TNNT1: variants seen among roughly 807,000 people sequenced by gnomAD.
TNNT1 encodes troponin T1, slow skeletal type, also known as troponin T, slow skeletal muscle.
Under a neutral mutation model 50.6 loss-of-function variants are expected in TNNT1, and 53 were observed. The ratio of observed to expected loss-of-function variants is 1.05; its 90% CI spans 0.84 to 1.32. TNNT1 has a LOEUF of 1.32. TNNT1 is among the 40% of genes most tolerant of loss of function. The probability of loss-of-function intolerance (pLI) is 0.00; values close to 1 mark genes in which losing one functional copy is unlikely to be tolerated. For synonymous variants in TNNT1, 142 were observed against 138.0 expected (o/e 1.03, Z -0.20); for missense variants, 348 against 381.7 (o/e 0.91, Z 0.74).
intron 3 of TNNT1, 73 bp from the exon 4 acceptor site, chr19:55,146,780 G>T: frequency 7.8e-7 from 1 of 1,289,086 alleles, no homozygotes; most frequent in Non-Finnish European, 1.1e-6. Flanking sequence ...AGAGACCAGG[G>T]TTCCAGTCTC....
chr19:55,145,848 C>A (rs2085539847), intron 5 of TNNT1, among the ~76,000 whole-genome samples: 1 of 151,874 alleles, frequency 6.6e-6, no homozygotes. Flanking sequence ...GAGTGCAAAC[C>A]CCCAGACCTT....
At chr19:55,147,270 G>C in intron 1 of TNNT1, 102 bp from the exon 2 acceptor site, 1 of 1,112,084 alleles carries the variant, frequency 9.0e-7, no homozygotes, top group Non-Finnish European at 1.3e-6. Context: ...CTGGACTCCT[G>C]GGTCTGGACT....
chr19:55,141,802 A>G, intron 7 of TNNT1, 55 bp downstream of exon 7: 8 of 1,601,426 alleles, frequency 5.0e-6, no homozygotes, highest in Non-Finnish European at 6.8e-6. Flanking sequence ...TGATTGACAC[A>G]AAGGCCCCTT....
chr19:55,135,945 T>G (rs1337690709), intron 11 of TNNT1, among the ~76,000 whole-genome samples: 1 of 152,034 alleles, frequency 6.6e-6, no homozygotes, highest in Non-Finnish European at 1.5e-5. Context: ...CCCACACGGG[T>G]AGTTTGAAAG....
chr19:55,141,118 A>G, intron 8 of TNNT1, 68 bp downstream of exon 8: 3 of 1,502,044 alleles, frequency 2.0e-6, no homozygotes, highest in Non-Finnish European at 2.8e-6. Context: ...TATTATCTGC[A>G]TCTCCCAAGA....
At chr19:55,137,013 G>A in intron 11 of TNNT1, 90 bp downstream of exon 11, 1 of 810,650 alleles carries the variant, frequency 1.2e-6, no homozygotes, top group Non-Finnish European at 2.1e-6. Flanking sequence ...GAGACCCGGA[G>A]TATCTGCCCA....
At chr19:55,137,790 G>A (rs184113109) in intron 10 of TNNT1, among the ~76,000 whole-genome samples, 171 bp downstream of exon 10, 168 of 134,588 alleles carry the variant, frequency 1.2e-3, no homozygotes, top group African/African-American at 4.4e-3. Flanking sequence ...AGACCCAGGC[G>A]TCCAGACCCC....
At position 55,142,109 on chromosome 19, in the gene TNNT1, T is replaced by C. The variant is rs897608685; in HGVS notation, c.129-189A>G. ...TAAAATACCTCACTACTCATGTTTT[T>C]TTGGTTGTTGTTGGTTTTGTTTTGT... On this transcript the variant is annotated intron_variant, in intron 6 of 13. Transcript: ENST00000588981. 10 of 600,570 alleles carry C rather than the reference T, an allele frequency of 1.7e-5. No homozygotes were observed. The East Asian group carries it at 2.9e-4, about 17-fold the overall frequency. The allele number at this position is 600,570 out of a possible 1,614,324, so 37.2% of individuals were successfully genotyped here.
chr19:55,141,533 G>A (rs372325026), intron 7 of TNNT1, among the ~76,000 whole-genome samples: 155 of 151,212 alleles, frequency 1.0e-3, no homozygotes, highest in African/African-American at 2.8e-3. Context: ...TCCCAGGCTG[G>A]AGTGAAATGG....
chr19:55,147,310 C>G, intron 1 of TNNT1, 142 bp from the exon 2 acceptor site: 4 of 732,954 alleles, frequency 5.5e-6, no homozygotes. Context: ...GAGCTGGGGT[C>G]TGGACTCCTG....
intron 13 of TNNT1, chr19:55,133,663 G>C (rs569715625): frequency 8.6e-4 from 511 of 595,250 alleles, no homozygotes; most frequent in Admixed American, 1.1e-3. Context: ...GGGTGACAGA[G>C]CGAGACGCAG....
In TNNT1 at chr19:55,142,546, A is replaced by AT. The variant is rs112126041; in HGVS notation, c.129-627dup. On this transcript the variant is annotated intron_variant, in intron 6 of 13. Transcript: ENST00000588981. ...ACTTTAAAAAATATGCCTAGTAAGAATTTTTTTTTTTTTTTTGAGACAGAG... is the reference window on the plus strand; with the variant it reads ...ACTTTAAAAAATATGCCTAGTAAGAATTTTTTTTTTTTTTTTTGAGACAGAG... Among the ~76,000 whole-genome samples, 380 of 138,596 alleles carry AT rather than the reference A, an allele frequency of 2.7e-3. 1 individual carries two copies. Among genetic ancestry groups the AT allele is most frequent in the Admixed American group, 5.2e-3 (72 of 13,850 alleles). The allele number at this position is 138,596 out of a possible 152,430, so 90.9% of individuals were successfully genotyped here. A position where few individuals can be genotyped will look rare whatever the true frequency, so the allele number is the denominator to read the frequency against.
intron 6 of TNNT1, 134 bp from the exon 7 acceptor site, chr19:55,142,054 C>T (rs746895381): frequency 1.2e-6 from 1 of 818,048 alleles, no homozygotes; most frequent in Non-Finnish European, 2.1e-6. Flanking sequence ...CCAGCTGAGG[C>T]GGGCTGTCAG....
rs538620794 is a variant in TNNT1, at chr19:55,147,494, G to A, written c.-11-326C>T. On this transcript the variant is annotated intron_variant, in intron 1 of 13. Coordinates refer to ENST00000588981, the MANE Select transcript of TNNT1 (RefSeq NM_003283.6). ...CTGAGGAAGGAGGGGCTGGGGCCTG[G>A]ACTTCTGGGTCTGAGGGAGGAGGGA... is the stretch of plus-strand genomic sequence containing the variant. The A allele has an allele frequency of 1.1e-4, 56 of 504,718 alleles. 2 individuals are homozygous for A. In the South Asian group the frequency reaches 1.2e-3, roughly 11 times the overall value. 31.3% of individuals were successfully genotyped at this position (504,718 alleles called of 1,614,324 possible).
chr19:55,147,063 G>A (rs375420324), intron 2 of TNNT1, 42 bp from the exon 3 acceptor site: 17 of 1,613,104 alleles, frequency 1.1e-5, no homozygotes, highest in Non-Finnish European at 1.4e-5. Flanking sequence ...GGGAGAGTTA[G>A]ACCTGGGGTG....
Position 55,141,280 on chromosome 19 carries a change from T to A in TNNT1, c.215A>T (p.Glu72Val). Residue 72 changes from glutamate to valine, a missense_variant, in exon 8 of 14, where the codon GAG becomes GTG. Coordinates refer to ENST00000588981, the MANE Select transcript of TNNT1 (RefSeq NM_003283.6). Reference sequence around the variant, plus strand: ...TGTCTGCAGCTCCAGCAGGTCTTTCTCCATGCGCTTGCGGTGGATGTCCTG... The same window carrying A: ...TGTCTGCAGCTCCAGCAGGTCTTTCACCATGCGCTTGCGGTGGATGTCCTG... ...DFDDIHRKRM[E>V]KDLLELQTLI... 1.9e-6 allele frequency: 3 copies of A among 1,614,182 alleles called. No homozygotes were observed. The highest frequency in any genetic ancestry group is 2.5e-6 in the Non-Finnish European group (3 of 1,180,014).
intron 11 of TNNT1, among the ~76,000 whole-genome samples, chr19:55,135,279 G>C (rs765743464): frequency 1.4e-4 from 22 of 152,298 alleles, no homozygotes; most frequent in Non-Finnish European, 2.5e-4. Context: ...TTTGAGGATG[G>C]AAATATTGGG....
intron 11 of TNNT1, 39 bp from the exon 12 acceptor site, chr19:55,134,243 G>C: frequency 6.5e-7 from 1 of 1,547,628 alleles, no homozygotes; most frequent in Non-Finnish European, 8.7e-7. Context: ...GCCCAGAGAG[G>C]TTGTGGGAAC....
At chr19:55,135,061 T>C (rs915155296) in intron 11 of TNNT1, among the ~76,000 whole-genome samples, 16 of 152,224 alleles carry the variant, frequency 1.1e-4, no homozygotes, top group Non-Finnish European at 2.4e-4. Flanking sequence ...TCTCCCTTTC[T>C]TCTAGAAATA....
Sources: gnomAD v4.1 joint callset for allele counts (sites outside exome capture counted in the v4.1 genomes callset) on GRCh38, gnomAD v4.1.1 for gene constraint, MANE v1.5 for transcripts, NCBI Gene and HGNC (gene_info 2026-07-23, HGNC 2026-07-21) for gene names.